The following HS6ST3 variants were observed in gnomAD, a reference collection of about 807,000 sequenced individuals.
HS6ST3 encodes heparan-sulfate 6-O-sulfotransferase 3.
HS6ST3 carries 12 observed loss-of-function variants against 36.7 expected under a neutral mutation model. The ratio of observed to expected loss-of-function variants is 0.33; its 90% CI spans 0.21 to 0.53. HS6ST3 has a LOEUF of 0.53. Among genes scored for constraint, HS6ST3 ranks in the 20% least tolerant of loss-of-function variants. The pLI is 0.95. For synonymous variants in HS6ST3, 240 were observed against 257.5 expected (o/e 0.93, Z 0.65); for missense variants, 584 against 640.9 (o/e 0.91, Z 0.96).
intron 1 of HS6ST3, among the ~76,000 whole-genome samples, chr13:96,784,961 A>C (rs1200999040): frequency 1.3e-5 from 2 of 152,214 alleles, no homozygotes; most frequent in Non-Finnish European, 2.9e-5. Flanking sequence ...TGAGGTCAGG[A>C]GTTCAAGACC....
chr13:96,754,694 T>G (rs1876781111), intron 1 of HS6ST3, among the ~76,000 whole-genome samples: 2 of 152,218 alleles, frequency 1.3e-5, no homozygotes, highest in South Asian at 4.1e-4. Context: ...CTTCCAGTGT[T>G]TCAAAGAAAC....
chr13:96,155,566 T>C (rs2054106374), intron 1 of HS6ST3, among the ~76,000 whole-genome samples: 1 of 122,656 alleles, frequency 8.2e-6, no homozygotes, highest in Non-Finnish European at 1.7e-5. Context: ...TTCTGGTGAG[T>C]TTTCCTTTAA....
At chr13:96,631,319 CTAAAAATAAATATTT>C (rs1447763958) in intron 1 of HS6ST3, among the ~76,000 whole-genome samples, 1 of 152,096 alleles carries the variant, frequency 6.6e-6, no homozygotes, top group African/African-American at 2.4e-5. Context: ...TCTTCTGTTT[CTAAAAATAAATATTT>C]AGCAGCCTAT....
intron 1 of HS6ST3, among the ~76,000 whole-genome samples, chr13:96,478,342 C>T (rs891153940): frequency 6.6e-5 from 10 of 152,118 alleles, no homozygotes; most frequent in Admixed American, 3.9e-4. Context: ...GAGAAGAGAA[C>T]ATGGAGAAGG....
intron 1 of HS6ST3, among the ~76,000 whole-genome samples, chr13:96,701,320 A>T (rs1236457740): frequency 6.6e-6 from 1 of 152,228 alleles, no homozygotes; most frequent in East Asian, 1.9e-4. Flanking sequence ...TGGTCTGATG[A>T]TGTAGAGAAT....
chr13:96,744,543 TA>T (rs1159708362), intron 1 of HS6ST3, among the ~76,000 whole-genome samples: 3 of 150,680 alleles, frequency 2.0e-5, no homozygotes, highest in Non-Finnish European at 3.0e-5. Context: ...GTTGCTCACA[TA>T]AATCAAGTCT....
intron 1 of HS6ST3, among the ~76,000 whole-genome samples, chr13:96,141,201 C>T (rs1407632665): frequency 2.0e-5 from 3 of 152,120 alleles, no homozygotes; most frequent in East Asian, 1.9e-4. Flanking sequence ...CTGCTAAGCT[C>T]GAAACCTTGA....
intron 1 of HS6ST3, among the ~76,000 whole-genome samples, chr13:96,111,947 T>C (rs1248187343): frequency 3.3e-5 from 5 of 152,204 alleles, no homozygotes; most frequent in African/African-American, 1.2e-4. Flanking sequence ...ACTAGTCCTT[T>C]TTTGACAAAA....
intron 1 of HS6ST3, among the ~76,000 whole-genome samples, chr13:96,528,781 G>A (rs1001788385): frequency 1.3e-5 from 2 of 151,966 alleles, no homozygotes; most frequent in Non-Finnish European, 2.9e-5. Context: ...CTGACTTTTC[G>A]AACATATTTG....
chr13:96,432,155 A>G (rs575763652), intron 1 of HS6ST3, among the ~76,000 whole-genome samples: 1 of 152,304 alleles, frequency 6.6e-6, no homozygotes, highest in African/African-American at 2.4e-5. Context: ...TGCCAAAGTG[A>G]TACCTTATCC....
intron 1 of HS6ST3, among the ~76,000 whole-genome samples, chr13:96,645,883 A>AT (rs1385984853): frequency 6.6e-6 from 1 of 151,684 alleles, no homozygotes; most frequent in Non-Finnish European, 1.5e-5. Context: ...TTGGTAGCAT[A>AT]TTTTCCCTCT....
chr13:96,406,787 T>C (rs1014829698), intron 1 of HS6ST3, among the ~76,000 whole-genome samples: 1 of 152,206 alleles, frequency 6.6e-6, no homozygotes, highest in Non-Finnish European at 1.5e-5. Flanking sequence ...TATTTTGTCT[T>C]CTGTCAGAAG....
chr13:96,426,161 C>T (rs1016604841), intron 1 of HS6ST3, among the ~76,000 whole-genome samples: 2 of 151,916 alleles, frequency 1.3e-5, no homozygotes, highest in African/African-American at 4.8e-5. Context: ...TGCTGTAAGA[C>T]CCCTGCTTCA....
intron 1 of HS6ST3, among the ~76,000 whole-genome samples, chr13:96,444,857 T>C (rs2055690399): frequency 6.6e-6 from 1 of 152,212 alleles, no homozygotes; most frequent in Non-Finnish European, 1.5e-5. Context: ...ATGGATGGCA[T>C]TGGCTGAAAC....
At chr13:96,679,144 G>A (rs1004338427) in intron 1 of HS6ST3, among the ~76,000 whole-genome samples, 4 of 148,958 alleles carry the variant, frequency 2.7e-5, no homozygotes, top group Middle Eastern at 3.2e-3. Context: ...GCAAAATTCT[G>A]CTATGCTTCT....
At chr13:96,279,386 G>A (rs1285980396) in intron 1 of HS6ST3, among the ~76,000 whole-genome samples, 1 of 152,084 alleles carries the variant, frequency 6.6e-6, no homozygotes, top group Non-Finnish European at 1.5e-5. Context: ...GGTATATATG[G>A]TCTCTAGCAT....
rs754076410 is a variant in HS6ST3 at position 96,833,139 on chromosome 13, G to T, written c.1357G>T (p.Asp453Tyr). The change falls in exon 2 of 2, where the codon GAT becomes TAT. Residue 453 changes from aspartate (D) to tyrosine (Y), a missense_variant. Transcript: ENST00000376705. ...CAGGGACCACCAGTGGCCCAAAGAA[G>T]ATGGGGCTGCAGAAGGGACTGTCAC... ...EHRDHQWPKE[D>Y]GAAEGTVTED... 6 of 1,599,678 alleles carry T rather than the reference G, an allele frequency of 3.8e-6. No individual in the cohort carries two copies. Among genetic ancestry groups the T allele is most frequent in the Non-Finnish European group, 5.1e-6 (6 of 1,179,082 alleles).
At chr13:96,337,052 GT>G (rs995013149) in intron 1 of HS6ST3, among the ~76,000 whole-genome samples, 11 of 151,458 alleles carry the variant, frequency 7.3e-5, no homozygotes, top group African/African-American at 2.2e-4. Context: ...TGATTTATCA[GT>G]TTTTTTTTGT....
chr13:96,488,830 T>G (rs2055929418), intron 1 of HS6ST3, among the ~76,000 whole-genome samples: 1 of 152,114 alleles, frequency 6.6e-6, no homozygotes, highest in African/African-American at 2.4e-5. Flanking sequence ...CAATCTTACT[T>G]TCAGTACCTG....
Sources: gnomAD v4.1 joint callset for allele counts (sites outside exome capture counted in the v4.1 genomes callset) on GRCh38, gnomAD v4.1.1 for gene constraint, MANE v1.5 for transcripts, NCBI Gene and HGNC (gene_info 2026-07-23, HGNC 2026-07-21) for gene names.